The following ADGRB1 variants were observed in gnomAD, a reference collection of about 807,000 sequenced individuals.
The protein encoded by ADGRB1 is brain-specific angiogenesis inhibitor 1.
A neutral mutation model predicts 175.7 loss-of-function variants in ADGRB1; 36 were observed. The ratio of observed to expected loss-of-function variants is 0.20; its 90% CI spans 0.16 to 0.27. The LOEUF (loss-of-function observed/expected upper bound fraction) is 0.27. Among genes scored for constraint, ADGRB1 ranks in the 10% least tolerant of loss-of-function variants. The pLI is 1.00. For missense variants in ADGRB1, 1,731 were observed against 2,255.3 expected, an observed-to-expected ratio of 0.77 and a Z score of 4.71; for synonymous variants, 1,054 against 979.4, an observed-to-expected ratio of 1.08 and a Z score of -1.42.
chr8:142,456,387 G>A (rs1315855519), intron 1 of ADGRB1, among the ~76,000 whole-genome samples: 1 of 152,042 alleles, frequency 6.6e-6, no homozygotes, highest in Non-Finnish European at 1.5e-5. Context: ...ACACACACTT[G>A]TAATAACTCA....
chr8:142,533,953 G>A (rs1844779545), intron 25 of ADGRB1, among the ~76,000 whole-genome samples: 1 of 152,244 alleles, frequency 6.6e-6, no homozygotes, highest in Admixed American at 6.5e-5. Context: ...AAGCATGCAT[G>A]TCGACCTGGG....
chr8:142,540,573 G>A (rs1044321256), intron 27 of ADGRB1, among the ~76,000 whole-genome samples: 1 of 152,224 alleles, frequency 6.6e-6, no homozygotes, highest in Admixed American at 6.5e-5. Context: ...GGGCCTGGGG[G>A]GAGCTTGGCT....
At chr8:142,538,603 C>T (rs1845074980) in intron 26 of ADGRB1, among the ~76,000 whole-genome samples, 1 of 152,220 alleles carries the variant, frequency 6.6e-6, no homozygotes, top group South Asian at 2.1e-4. Flanking sequence ...AAGGGTGGGC[C>T]TGTCCCCTGG....
At chr8:142,503,274 G>A (rs1331348681) in intron 17 of ADGRB1, among the ~76,000 whole-genome samples, 3 of 152,054 alleles carry the variant, frequency 2.0e-5, no homozygotes, top group Non-Finnish European at 2.9e-5. Context: ...AGGTCATGGC[G>A]GTCTGGGAGG....
chr8:142,509,971 T>C (rs1291572452), intron 17 of ADGRB1, among the ~76,000 whole-genome samples: 1 of 151,996 alleles, frequency 6.6e-6, no homozygotes, highest in Non-Finnish European at 1.5e-5. Context: ...CAGGCCCGGC[T>C]CCAGGGCCAG....
In ADGRB1 at chr8:142,518,319, G is replaced by A. The variant is rs1248486639; in HGVS notation, c.2921+78G>A. On this transcript the variant is annotated intron_variant, in intron 19 of 30. Coordinates refer to ENST00000517894, the MANE Select transcript of ADGRB1 (RefSeq NM_001702.3). ...GCCTCTTCCCTTGAAGGTCACGGGCGGGGTCGTGGGTGCCCCTCCCTCCAT... is the reference window on the plus strand; with the variant it reads ...GCCTCTTCCCTTGAAGGTCACGGGCAGGGTCGTGGGTGCCCCTCCCTCCAT... The A allele has an allele frequency of 6.1e-6, 9 of 1,474,166 alleles. No homozygotes were observed. The African/African-American group carries it at 6.9e-5, about 11-fold the overall frequency. The allele number at this position is 1,474,166 out of a possible 1,614,324, so 91.3% of individuals were successfully genotyped here.
intron 2 of ADGRB1, among the ~76,000 whole-genome samples, chr8:142,469,786 T>A (rs1235928161): frequency 3.3e-5 from 5 of 152,106 alleles, no homozygotes; most frequent in African/African-American, 1.2e-4. Flanking sequence ...TCTCTGTGTG[T>A]GCACGTGCGT....
In ADGRB1 at chr8:142,474,531, CCT is replaced by C. The variant is rs1323280357; in HGVS notation, c.785-938_785-937del. Among the ~76,000 whole-genome samples, 1 of 152,174 alleles carries C rather than the reference CCT, an allele frequency of 6.6e-6. No homozygotes were observed. Among genetic ancestry groups the C allele is most frequent in the Non-Finnish European group, 1.5e-5 (1 of 68,020 alleles). ...TTCCCGGCCCCCTGGTGCTGCTGCC[CCT>C]CTCTGGCCCACAGATGGCAGTGGCC... On this transcript the variant is annotated intron_variant, in intron 2 of 30. Transcript: ENST00000517894. This position sits in a 1 kb window ranked among gnomAD's most constrained non-coding sequence, Gnocchi z 5.8.
chr8:142,463,579 C>T (rs538764227), intron 1 of ADGRB1, among the ~76,000 whole-genome samples: 1 of 152,252 alleles, frequency 6.6e-6, no homozygotes, highest in Non-Finnish European at 1.5e-5. Flanking sequence ...AGAGCTACAC[C>T]CTCCACTCAC....
chr8:142,498,977 T>C (rs1264631067), intron 17 of ADGRB1, among the ~76,000 whole-genome samples: 2 of 152,120 alleles, frequency 1.3e-5, no homozygotes, highest in East Asian at 3.9e-4. Flanking sequence ...CTTGGGAGCT[T>C]GGCTGTGGCT....
At chr8:142,522,290 C>G (rs1480489956) in intron 21 of ADGRB1, among the ~76,000 whole-genome samples, 175 bp downstream of exon 21, 3 of 152,114 alleles carry the variant, frequency 2.0e-5, no homozygotes, top group Non-Finnish European at 4.4e-5. Context: ...CCAGATAAAG[C>G]ACAGGACACC....
Position 142,510,298 on chromosome 8 carries a change from C to G in ADGRB1, c.2676-634C>G, listed in dbSNP as rs1332236883. 6.6e-6 allele frequency among the ~76,000 whole-genome samples: 1 copy of G among 152,004 alleles called. No individual in the cohort carries two copies. The highest frequency in any genetic ancestry group is 2.4e-5 in the African/African-American group (1 of 41,434). On this transcript the variant is annotated intron_variant, in intron 17 of 30. Transcript: ENST00000517894. The surrounding 1 kb of genome is among the most constrained non-coding windows in gnomAD (Gnocchi z 6.3). ...GGGAAGTTTCCAGCGGCAAGCCTCC[C>G]CGCGGGGAAGGCTGTGTCTGTCCCA...
chr8:142,481,633 G>C lies in ADGRB1; in HGVS notation c.2052G>C (p.Leu684=). 6.2e-7 allele frequency: 1 copy of C among 1,607,256 alleles called. No individual in the cohort carries two copies. Among genetic ancestry groups the C allele is most frequent in the Non-Finnish European group, 8.5e-7 (1 of 1,176,828 alleles). The change falls in exon 11 of 31, where the codon CTG becomes CTC. Residue 684 remains leucine, a synonymous_variant. Coordinates refer to ENST00000517894, the MANE Select transcript of ADGRB1 (RefSeq NM_001702.3). ...GGACCAGCTACAGTGGGGACCTGCT[G>C]TCCACCATCGATGTCCTGAGGAACA... The part of the protein sequence containing the change: ...QDGTSYSGDL[L]STIDVLRNMT...
intron 17 of ADGRB1, among the ~76,000 whole-genome samples, chr8:142,499,242 C>T (rs1415257243): frequency 6.6e-6 from 1 of 152,242 alleles, no homozygotes; most frequent in African/African-American, 2.4e-5. Context: ...CCCTGTTCCT[C>T]ACTGGCAGGG....
intron 2 of ADGRB1, among the ~76,000 whole-genome samples, chr8:142,469,704 T>TGTGTGAATGTGAGTGCATGC (rs1330301621): frequency 2.0e-5 from 3 of 151,576 alleles, no homozygotes; most frequent in Non-Finnish European, 4.4e-5. Context: ...TGCGTGCCTG[T>TGTGTGAATGTGAGTGCATGC]GTGTGAATGT....
In ADGRB1 at chr8:142,489,310, G is replaced by A. The variant is rs529597520; in HGVS notation, c.2529-26G>A. 159 of 1,611,312 alleles carry A rather than the reference G, an allele frequency of 9.9e-5. 1 individual carries two copies. The highest frequency in any genetic ancestry group is 6.8e-4 in the South Asian group (62 of 91,056). Reference sequence around the variant, plus strand: ...GAGCCTGGGCTGGGAGGGCTCCCCCGACACCTGTGCCTCTGGCTCTTGCAG... The same window carrying A: ...GAGCCTGGGCTGGGAGGGCTCCCCCAACACCTGTGCCTCTGGCTCTTGCAG... On this transcript the variant is annotated intron_variant, in intron 15 of 30. Transcript: ENST00000517894.
chr8:142,530,187 G>A (rs1844541749), intron 24 of ADGRB1, among the ~76,000 whole-genome samples: 1 of 152,098 alleles, frequency 6.6e-6, no homozygotes, highest in African/African-American at 2.4e-5. Flanking sequence ...GAGCGTGTGA[G>A]CATTGTGTAT....
chr8:142,456,575 C>T (rs1839695742), intron 1 of ADGRB1, among the ~76,000 whole-genome samples: 1 of 152,224 alleles, frequency 6.6e-6, no homozygotes, highest in Admixed American at 6.5e-5. Flanking sequence ...TCACCACACG[C>T]ACACACGCAC....
intron 18 of ADGRB1, among the ~76,000 whole-genome samples, chr8:142,514,354 A>C (rs1843292628): frequency 6.6e-6 from 1 of 152,094 alleles, no homozygotes; most frequent in Non-Finnish European, 1.5e-5. Flanking sequence ...GTGTCGGCGC[A>C]GATGCGGGCT....
Sources: allele counts gnomAD v4.1 joint callset (sites outside exome capture counted in the v4.1 genomes callset), GRCh38; gene constraint gnomAD v4.1.1; non-coding constraint Gnocchi (gnomAD v3.1); transcripts MANE v1.5; gene names NCBI Gene and HGNC (gene_info 2026-07-23, HGNC 2026-07-21).